The following COL4A5 variants were observed in gnomAD, a reference collection of about 807,000 sequenced individuals.
COL4A5 encodes collagen type IV alpha 5 chain.
In COL4A5, 26 loss-of-function variants were observed where a neutral mutation model predicts 130.2. That is an observed-to-expected ratio of 0.20 (90% confidence interval 0.15 to 0.28). The LOEUF (loss-of-function observed/expected upper bound fraction) is 0.28. Among genes scored for constraint, COL4A5 ranks in the 10% least tolerant of loss-of-function variants. COL4A5 has a pLI of 1.00. For synonymous variants in COL4A5, 496 were observed against 439.6 expected (o/e 1.13, Z -1.60); for missense variants, 1,131 against 1,344.3 (o/e 0.84, Z 2.48).
Position 108,545,834 on chromosome X carries a change from G to C in COL4A5, c.141+6029G>C, listed in dbSNP as rs1300479648. Among the ~76,000 whole-genome samples, 251 of 111,466 alleles carry C rather than the reference G, an allele frequency of 2.3e-3. 1 individual carries two copies. Among genetic ancestry groups the C allele is most frequent in the Non-Finnish European group, 4.0e-3 (211 of 53,012 alleles). Reference sequence around the variant, plus strand: ...ATATTTAGGATAGTTAGCTCTTCTTGTTGAATTGATCCCTTTACCATTATG... The same window carrying C: ...ATATTTAGGATAGTTAGCTCTTCTTCTTGAATTGATCCCTTTACCATTATG... On this transcript the variant is annotated intron_variant, in intron 2 of 52. Coordinates refer to ENST00000328300, the MANE Select transcript of COL4A5 (RefSeq NM_033380.3).
intron 1 of COL4A5, among the ~76,000 whole-genome samples, chrX:108,522,042 G>T (rs1164585426): frequency 2.7e-5 from 3 of 110,801 alleles, no homozygotes; most frequent in Non-Finnish European, 5.7e-5. Context: ...ACATTTCATA[G>T]AAGTAAAATC....
At position 108,670,360 on chromosome X, in the gene COL4A5, G is replaced by C. The variant is rs192688293; in HGVS notation, c.3799+124G>C. On this transcript the variant is annotated intron_variant, in intron 42 of 52. Coordinates refer to ENST00000328300, the MANE Select transcript of COL4A5 (RefSeq NM_033380.3). ...TGTGCCAATTCAATTCTTACATAGT[G>C]GCTTATCTCTTTAAGTTTTTAGGAA... 5.5e-6 allele frequency: 6 copies of C among 1,100,268 alleles called. No individual in the cohort carries two copies. The Admixed American group carries it at 1.8e-4, about 33-fold the overall frequency. The allele number at this position is 1,100,268 out of a possible 1,213,427, so 90.7% of individuals were successfully genotyped here. A position where few individuals can be genotyped will look rare whatever the true frequency, so the allele number is the denominator to read the frequency against.
intron 1 of COL4A5, among the ~76,000 whole-genome samples, chrX:108,519,926 T>C (rs1007736788): frequency 7.1e-5 from 8 of 112,008 alleles, no homozygotes; most frequent in African/African-American, 9.7e-5. Flanking sequence ...TCATTAATTC[T>C]AATTTCTTTG....
chrX:108,567,801 T>C (rs2065996921), intron 4 of COL4A5, among the ~76,000 whole-genome samples: 1 of 111,381 alleles, frequency 9.0e-6, no homozygotes, highest in African/African-American at 3.3e-5. Flanking sequence ...ACAAGAACAG[T>C]ATGGGGGAAA....
chrX:108,457,406 A>G (rs2064594824), intron 1 of COL4A5, among the ~76,000 whole-genome samples: 2 of 112,029 alleles, frequency 1.8e-5, no homozygotes, highest in South Asian at 3.7e-4. Context: ...CGTAAGAAAA[A>G]TAATTAGCAT....
intron 36 of COL4A5, among the ~76,000 whole-genome samples, chrX:108,635,003 T>C (rs1218022777): frequency 9.0e-6 from 1 of 111,072 alleles, no homozygotes; most frequent in Non-Finnish European, 1.9e-5. Context: ...TGTTAAGAAA[T>C]AGGAATAGTG....
intron 1 of COL4A5, among the ~76,000 whole-genome samples, chrX:108,473,769 T>TC (rs1168199874): frequency 2.0e-4 from 21 of 103,787 alleles, no homozygotes; most frequent in Non-Finnish European, 1.8e-4. Flanking sequence ...GTAGCTGGGA[T>TC]CACAGGCACC....
intron 1 of COL4A5, among the ~76,000 whole-genome samples, chrX:108,474,270 T>C (rs6622325): frequency 8.9e-6 from 1 of 111,858 alleles, no homozygotes; most frequent in East Asian, 2.8e-4. Flanking sequence ...TTTATATCAT[T>C]TTTAAAATCT....
chrX:108,598,091 T>G (rs2066553416), intron 24 of COL4A5, among the ~76,000 whole-genome samples: 1 of 110,925 alleles, frequency 9.0e-6, no homozygotes, highest in Admixed American at 9.6e-5. Context: ...CTCGGGAGGC[T>G]GAGGCAGGAG....
At chrX:108,442,548 A>G (rs1449103158) in intron 1 of COL4A5, among the ~76,000 whole-genome samples, 1 of 111,972 alleles carries the variant, frequency 8.9e-6, no homozygotes, top group Non-Finnish European at 1.9e-5. Flanking sequence ...TGTGGGTAGT[A>G]TGTAAAATTA....
At position 108,614,976 on chromosome X, in the gene COL4A5, C is replaced by G; in HGVS notation, c.2461C>G (p.Gln821Glu). 8.3e-7 allele frequency: 1 copy of G among 1,210,656 alleles called. No homozygotes were observed. Among genetic ancestry groups the G allele is most frequent in the East Asian group, 3.0e-5 (1 of 33,817 alleles). The change falls in exon 30 of 53, where the codon CAG becomes GAG. Residue 821 changes from glutamine to glutamate, a missense_variant. Physicochemically the swap from Gln to Glu is conservative, Grantham distance 29. Coordinates refer to ENST00000328300, the MANE Select transcript of COL4A5 (RefSeq NM_033380.3). The stretch of plus-strand genomic sequence containing the variant: ...TCCTGGGCTGCCAGGAATAGGTGTT[C>G]AGGGACCACCAGGACCACCAGGGAT... ...GPPGLPGIGVQGPPGPPGIPG... is the reference protein window; with the variant it reads ...GPPGLPGIGVEGPPGPPGIPG...
At chrX:108,448,906 T>C (rs967468597) in intron 1 of COL4A5, among the ~76,000 whole-genome samples, 1 of 111,509 alleles carries the variant, frequency 9.0e-6, no homozygotes, top group African/African-American at 3.3e-5. Context: ...CCCCTCATAC[T>C]CTCAAGATGG....
intron 36 of COL4A5, among the ~76,000 whole-genome samples, chrX:108,640,553 GA>G (rs1374279138): frequency 5.5e-5 from 6 of 109,345 alleles, no homozygotes; most frequent in South Asian, 3.9e-4. Context: ...ACCACACACT[GA>G]AAAAAAAATT....
At chrX:108,600,112 G>A (rs1417733054) in intron 25 of COL4A5, among the ~76,000 whole-genome samples, 1 of 112,386 alleles carries the variant, frequency 8.9e-6, no homozygotes, top group Non-Finnish European at 1.9e-5. Flanking sequence ...CTTTTCATGT[G>A]TTTATTGGTC....
chrX:108,629,607 G>A (rs1334218126), intron 36 of COL4A5, among the ~76,000 whole-genome samples: 1 of 111,274 alleles, frequency 9.0e-6, no homozygotes, highest in Admixed American at 9.5e-5. Context: ...CAAAAACTTT[G>A]AAAAAAGCAG....
intron 9 of COL4A5, among the ~76,000 whole-genome samples, chrX:108,575,283 C>T (rs917852858): frequency 9.0e-6 from 1 of 111,678 alleles, no homozygotes; most frequent in African/African-American, 3.3e-5. Context: ...GAGAAGCTAT[C>T]TTGAAAGTAG....
chrX:108,571,246 A>G lies in COL4A5; in HGVS notation c.385-167A>G, dbSNP rs984487848. 2.7e-5 allele frequency among the ~76,000 whole-genome samples: 3 copies of G among 111,841 alleles called. No individual in the cohort carries two copies. In the East Asian group the frequency reaches 8.4e-4, roughly 31 times the overall value. ...TGGGATAAAAGTTGAATTGATATGG[A>G]TAGTTGATATTGAAGTAATTGGAAA... is the stretch of plus-strand genomic sequence containing the variant. On this transcript the variant is annotated intron_variant, in intron 6 of 52. Coordinates refer to ENST00000328300, the MANE Select transcript of COL4A5 (RefSeq NM_033380.3).
At chrX:108,517,937 G>T (rs1051380987) in intron 1 of COL4A5, among the ~76,000 whole-genome samples, 1 of 108,807 alleles carries the variant, frequency 9.2e-6, no homozygotes, top group Non-Finnish European at 1.9e-5. Flanking sequence ...TTCTCTTATT[G>T]TCCTTATTGG....
At chrX:108,459,646 C>T (rs1416669889) in intron 1 of COL4A5, among the ~76,000 whole-genome samples, 1 of 112,349 alleles carries the variant, frequency 8.9e-6, no homozygotes, top group East Asian at 2.8e-4. Context: ...TTTAAACCTA[C>T]AGTATAAGAG....
Sources: gnomAD v4.1 joint callset for allele counts (sites outside exome capture counted in the v4.1 genomes callset) on GRCh38, gnomAD v4.1.1 for gene constraint, MANE v1.5 for transcripts, NCBI Gene and HGNC (gene_info 2026-07-23, HGNC 2026-07-21) for gene names.